Variants in RBMS3 observed in about 807,000 individuals in gnomAD.
The protein encoded by RBMS3 is RNA binding motif single stranded interacting protein 3, also known as RNA-binding motif, single-stranded-interacting protein 3.
A neutral mutation model predicts 66.8 loss-of-function variants in RBMS3; 27 were observed. The observed-to-expected ratio is 0.40, with a 90% CI of 0.30 to 0.56. RBMS3 has a LOEUF of 0.56. RBMS3 is among the 20% of genes least tolerant of loss of function. The pLI is 0.40. For synonymous variants in RBMS3, 188 were observed against 183.0 expected (o/e 1.03, Z -0.22); for missense variants, 513 against 549.5 (o/e 0.93, Z 0.66).
intron 3 of RBMS3, among the ~76,000 whole-genome samples, chr3:29,584,023 A>G (rs920188192): frequency 6.6e-6 from 1 of 152,124 alleles, no homozygotes; most frequent in African/African-American, 2.4e-5. Flanking sequence ...CCCAGCCAAG[A>G]TAACTGCAAA....
In RBMS3 at chr3:29,591,220, A is replaced by G. The variant is rs1458299902; in HGVS notation, c.399+4015A>G. Among the ~76,000 whole-genome samples, 5 of 152,274 alleles carry G rather than the reference A, an allele frequency of 3.3e-5. No individual in the cohort carries two copies. The East Asian group carries it at 9.7e-4, about 29-fold the overall frequency. On this transcript the variant is annotated intron_variant, in intron 4 of 14. Coordinates refer to ENST00000383767, the MANE Select transcript of RBMS3 (RefSeq NM_001003793.3). ...CATACATACATTTTAGGTGGCATGC[A>G]TTAATTCTTTCCCAAAAAGAACCCA...
At chr3:29,321,670 G>A (rs2035013853) in intron 1 of RBMS3, among the ~76,000 whole-genome samples, 2 of 152,194 alleles carry the variant, frequency 1.3e-5, no homozygotes, top group Middle Eastern at 3.4e-3. Flanking sequence ...CAATAGCAGT[G>A]TTCCATATAC....
intron 2 of RBMS3, among the ~76,000 whole-genome samples, chr3:29,447,046 G>A (rs1351827074): frequency 6.6e-6 from 1 of 151,062 alleles, no homozygotes; most frequent in African/African-American, 2.4e-5. Context: ...CTGAGTAGCT[G>A]GGATTGCAGG....
intron 4 of RBMS3, among the ~76,000 whole-genome samples, chr3:29,708,290 G>T (rs2053002239): frequency 6.6e-6 from 1 of 152,066 alleles, no homozygotes; most frequent in African/African-American, 2.4e-5. Flanking sequence ...CAGATGAAAG[G>T]TTTAGAAGCA....
chr3:29,382,845 C>T (rs57726311), intron 1 of RBMS3, among the ~76,000 whole-genome samples: 8,638 of 152,008 alleles, frequency 0.057, 583 homozygotes, highest in East Asian at 0.22. Context: ...ATTTTTTCTC[C>T]TATTTCTTTT....
At chr3:29,631,795 G>T (rs1299667553) in intron 4 of RBMS3, among the ~76,000 whole-genome samples, 1 of 151,734 alleles carries the variant, frequency 6.6e-6, no homozygotes, top group African/African-American at 2.4e-5. Context: ...ACTTGCTAAT[G>T]ATCTGTGCAA....
At chr3:29,578,733 G>A (rs2047210720) in intron 3 of RBMS3, among the ~76,000 whole-genome samples, 1 of 151,344 alleles carries the variant, frequency 6.6e-6, no homozygotes, top group Non-Finnish European at 1.5e-5. Flanking sequence ...GTTGGCGGAG[G>A]GAATATACAG....
intron 8 of RBMS3, among the ~76,000 whole-genome samples, chr3:29,884,469 T>TCTCTCTCTCTC (rs1553692501): frequency 7.5e-5 from 5 of 66,332 alleles, no homozygotes; most frequent in East Asian, 6.0e-4. Flanking sequence ...TCTCTCTCTC[T>TCTCTCTCTCTC]CCCCCCCCGC....
In RBMS3 at chr3:29,830,694, A is replaced by G. The variant is rs372717630; in HGVS notation, c.638-38164A>G. On this transcript the variant is annotated intron_variant, in intron 6 of 14. Coordinates refer to ENST00000383767, the MANE Select transcript of RBMS3 (RefSeq NM_001003793.3). ...TTCTGTAAATTTAACTTCTACTCAG[A>G]CAGTAGAAGTTTTATTCTCTTTTAT... Among the ~76,000 whole-genome samples the G allele has an allele frequency of 1.1e-4, 17 of 152,262 alleles. No individual in the cohort carries two copies. In the East Asian group the frequency reaches 3.3e-3, roughly 29 times the overall value.
intron 4 of RBMS3, among the ~76,000 whole-genome samples, chr3:29,641,721 C>A (rs2149197438): frequency 6.6e-6 from 1 of 152,108 alleles, no homozygotes; most frequent in East Asian, 1.9e-4. Flanking sequence ...TGCACTGCTT[C>A]TTTAATTGTC....
intron 1 of RBMS3, among the ~76,000 whole-genome samples, chr3:29,393,723 A>G (rs937555079): frequency 2.0e-5 from 3 of 152,168 alleles, no homozygotes; most frequent in African/African-American, 7.2e-5. Flanking sequence ...GAAAGAGTAC[A>G]AAGAGAGAAA....
intron 4 of RBMS3, among the ~76,000 whole-genome samples, chr3:29,681,962 A>T (rs1327733345): frequency 2.0e-5 from 3 of 152,196 alleles, no homozygotes; most frequent in Non-Finnish European, 4.4e-5. Context: ...TAAAATTTGC[A>T]CTTCCACCAA....
At chr3:29,987,945 C>G in intron 12 of RBMS3, 198 bp from the exon 13 acceptor site, 1 of 512,784 alleles carries the variant, frequency 2.0e-6, no homozygotes, top group African/African-American at 1.9e-5. Context: ...AGAGGTAGGG[C>G]TACTGTGGGT....
intron 1 of RBMS3, among the ~76,000 whole-genome samples, chr3:29,419,678 G>A (rs1415907838): frequency 1.3e-5 from 2 of 152,126 alleles, no homozygotes; most frequent in Non-Finnish European, 2.9e-5. Context: ...TGCTTCACTG[G>A]TTTGTAAACT....
chr3:29,522,853 C>T (rs1362522611), intron 3 of RBMS3, among the ~76,000 whole-genome samples: 2 of 152,164 alleles, frequency 1.3e-5, no homozygotes, highest in Non-Finnish European at 2.9e-5. Flanking sequence ...GGCCAGCACA[C>T]ATGAGGTGCT....
At chr3:29,928,644 A>C (rs1467921172) in intron 10 of RBMS3, among the ~76,000 whole-genome samples, 3 of 152,140 alleles carry the variant, frequency 2.0e-5, no homozygotes, top group African/African-American at 7.2e-5. Context: ...ATGTATTTTT[A>C]TGTAAACTAC....
intron 1 of RBMS3, among the ~76,000 whole-genome samples, chr3:29,405,609 G>T (rs1575727296): frequency 6.6e-6 from 1 of 152,230 alleles, no homozygotes; most frequent in South Asian, 2.1e-4. Context: ...TACTAATCAG[G>T]TGAATGGGTC....
chr3:29,372,671 C>G (rs939814469), intron 1 of RBMS3, among the ~76,000 whole-genome samples: 4 of 151,806 alleles, frequency 2.6e-5, no homozygotes, highest in African/African-American at 9.7e-5. Context: ...TGTTATTCCT[C>G]TAATAATAAA....
intron 10 of RBMS3, among the ~76,000 whole-genome samples, chr3:29,915,946 A>G (rs988158406): frequency 1.3e-5 from 2 of 152,030 alleles, no homozygotes; most frequent in African/African-American, 4.8e-5. Context: ...CTGATTTGTA[A>G]AGATTCAGCA....
Sources: allele counts gnomAD v4.1 joint callset (sites outside exome capture counted in the v4.1 genomes callset), GRCh38; gene constraint gnomAD v4.1.1; transcripts MANE v1.5; gene names NCBI Gene and HGNC (gene_info 2026-07-23, HGNC 2026-07-21).